Variants in MYO3B observed in about 807,000 individuals in gnomAD.
MYO3B encodes myosin-IIIb.
Under a neutral mutation model 174.6 loss-of-function variants are expected in MYO3B, and 156 were observed. That is an observed-to-expected ratio of 0.89 (90% CI 0.78 to 1.02). The LOEUF is 1.02. MYO3B is among the 50% of genes least tolerant of loss of function. The pLI is 0.00. For missense variants in MYO3B, 1,632 were observed against 1,639.4 expected (o/e 1.00, Z 0.08); for synonymous variants, 563 against 569.1 (o/e 0.99, Z 0.15).
At chr2:170,243,926 T>C (rs1007014766) in intron 7 of MYO3B, among the ~76,000 whole-genome samples, 3 of 152,142 alleles carry the variant, frequency 2.0e-5, no homozygotes, top group African/African-American at 7.2e-5. Flanking sequence ...CCTTTGTAAA[T>C]AGACACACTC....
At chr2:170,412,121 T>C (rs2094549513) in intron 22 of MYO3B, 1 of 152,238 alleles carries the variant, frequency 6.6e-6, no homozygotes, top group South Asian at 2.1e-4. Flanking sequence ...ATGATCTAGA[T>C]AGAAAAACAT....
intron 7 of MYO3B, among the ~76,000 whole-genome samples, chr2:170,300,703 A>G (rs777663845): frequency 4.6e-5 from 7 of 152,172 alleles, no homozygotes; most frequent in African/African-American, 7.2e-5. Flanking sequence ...CCTGCTGGCT[A>G]TTTTCACCTT....
intron 7 of MYO3B, among the ~76,000 whole-genome samples, chr2:170,281,855 T>C (rs1287635373): frequency 6.6e-6 from 1 of 152,040 alleles, no homozygotes; most frequent in East Asian, 1.9e-4. Flanking sequence ...AAGATCCAAA[T>C]AAACACAATT....
intron 7 of MYO3B, among the ~76,000 whole-genome samples, chr2:170,257,994 C>A (rs1390170954): frequency 3.9e-5 from 6 of 152,228 alleles, no homozygotes; most frequent in Admixed American, 3.9e-4. Flanking sequence ...TGGAAATGTA[C>A]AACCTCCCAA....
chr2:170,339,784 T>G (rs2093966270), intron 8 of MYO3B, among the ~76,000 whole-genome samples: 1 of 152,240 alleles, frequency 6.6e-6, no homozygotes, highest in South Asian at 2.1e-4. Flanking sequence ...TCATTAGTTA[T>G]GCGTTTGTCA....
At chr2:170,556,652 G>A (rs955819624) in intron 32 of MYO3B, among the ~76,000 whole-genome samples, 33 of 152,130 alleles carry the variant, frequency 2.2e-4, no homozygotes, top group Non-Finnish European at 4.4e-4. Context: ...TTCCCAAGTA[G>A]CTGGGATTAC....
intron 8 of MYO3B, among the ~76,000 whole-genome samples, chr2:170,342,574 G>A (rs1373337316): frequency 6.6e-6 from 1 of 152,140 alleles, no homozygotes; most frequent in Non-Finnish European, 1.5e-5. Flanking sequence ...GTCCTCAGTT[G>A]TCAAATTGGG....
intron 8 of MYO3B, among the ~76,000 whole-genome samples, chr2:170,358,056 G>A (rs2094135556): frequency 6.6e-6 from 1 of 151,988 alleles, no homozygotes; most frequent in Admixed American, 6.5e-5. Context: ...GGAGGCTGAG[G>A]CAGGAGAATC....
At chr2:170,633,944 C>T (rs187730536) in intron 32 of MYO3B, among the ~76,000 whole-genome samples, 1 of 152,252 alleles carries the variant, frequency 6.6e-6, no homozygotes, top group East Asian at 1.9e-4. Context: ...GAACTACAAA[C>T]CACTGATCAA....
chr2:170,317,612 GA>G (rs1474151638), intron 7 of MYO3B, among the ~76,000 whole-genome samples: 1 of 152,180 alleles, frequency 6.6e-6, no homozygotes, highest in African/African-American at 2.4e-5. Context: ...TCTGTTTGCA[GA>G]TAGGAGGAAA....
At position 170,199,212 on chromosome 2, in the gene MYO3B, C is replaced by CA. The variant is rs775562218; in HGVS notation, c.8dup (p.His3GlnfsTer9). ...ACAAATTTTTCCCCCAACCAGGAAA[C>CA]ATCTGTATGGATTATTTCACTATAA... is the stretch of plus-strand genomic sequence containing the variant. On this transcript the variant is annotated frameshift_variant, in exon 2 of 35. Transcript: ENST00000408978. LOFTEE classifies it high-confidence loss of function. 11 of 1,606,968 alleles carry CA rather than the reference C, an allele frequency of 6.8e-6. No homozygotes were observed. The highest frequency in any genetic ancestry group is 7.6e-6 in the Non-Finnish European group (9 of 1,176,652).
intron 7 of MYO3B, among the ~76,000 whole-genome samples, chr2:170,238,429 C>T (rs1343537527): frequency 6.6e-6 from 1 of 152,124 alleles, no homozygotes; most frequent in Non-Finnish European, 1.5e-5. Context: ...GACAAAAATC[C>T]TTTGAATCCA....
At chr2:170,256,058 G>A (rs768049185) in intron 7 of MYO3B, among the ~76,000 whole-genome samples, 54 of 152,142 alleles carry the variant, frequency 3.5e-4, no homozygotes, top group African/African-American at 6.3e-4. Context: ...AAGACTAGCC[G>A]TTTGAATCAA....
chr2:170,443,831 T>G (rs1190608070), intron 22 of MYO3B, 136 bp from the exon 23 acceptor site: 3 of 397,648 alleles, frequency 7.5e-6, no homozygotes, highest in Non-Finnish European at 1.3e-5. Context: ...AGTGTCAAAA[T>G]TTTCCAAATT....
intron 5 of MYO3B, among the ~76,000 whole-genome samples, chr2:170,216,389 T>A (rs557951461): frequency 6.6e-6 from 1 of 152,342 alleles, no homozygotes; most frequent in South Asian, 2.1e-4. Context: ...CCCTCCGTGT[T>A]AGGTGTGACT....
At chr2:170,455,956 A>T (rs1304722860) in intron 23 of MYO3B, among the ~76,000 whole-genome samples, 1 of 152,166 alleles carries the variant, frequency 6.6e-6, no homozygotes, top group Non-Finnish European at 1.5e-5. Context: ...TATTGGTCTT[A>T]TAGGGGCCAA....
chr2:170,475,648 C>T (rs1685268954), intron 25 of MYO3B, among the ~76,000 whole-genome samples: 1 of 152,188 alleles, frequency 6.6e-6, no homozygotes, highest in Non-Finnish European at 1.5e-5. Context: ...CTTGCTAACT[C>T]TAGTCTCTGT....
chr2:170,373,980 C>G (rs2094268725), intron 9 of MYO3B, among the ~76,000 whole-genome samples: 1 of 151,922 alleles, frequency 6.6e-6, no homozygotes, highest in Admixed American at 6.6e-5. Flanking sequence ...CATAGAAAAC[C>G]CAGGTAGAAT....
intron 32 of MYO3B, among the ~76,000 whole-genome samples, chr2:170,634,742 G>C (rs536417612): frequency 1.6e-4 from 25 of 152,304 alleles, no homozygotes; most frequent in African/African-American, 5.5e-4. Flanking sequence ...CTGAAATCCA[G>C]AATCTACAAA....
Sources: gnomAD v4.1 joint callset for allele counts (sites outside exome capture counted in the v4.1 genomes callset) on GRCh38, gnomAD v4.1.1 for gene constraint, MANE v1.5 for transcripts, NCBI Gene and HGNC (gene_info 2026-07-23, HGNC 2026-07-21) for gene names.